PLXNA4: variants seen among roughly 807,000 people sequenced by gnomAD.
PLXNA4 encodes the protein plexin A4.
A neutral mutation model predicts 191.8 loss-of-function variants in PLXNA4; 44 were observed. The ratio of observed to expected loss-of-function variants is 0.23; its 90% CI spans 0.18 to 0.29. PLXNA4 has a LOEUF of 0.29. Ranked by LOEUF, PLXNA4 falls within the 10% of genes least tolerant of loss-of-function variation. PLXNA4 has a pLI of 1.00. For missense variants in PLXNA4, 1,800 were observed against 2,488.8 expected, an observed-to-expected ratio of 0.72 and a Z score of 5.89; for synonymous variants, 1,082 against 1,009.5, an observed-to-expected ratio of 1.07 and a Z score of -1.36.
intron 31 of PLXNA4, among the ~76,000 whole-genome samples, chr7:132,132,430 CTGTTCTGTTCTGTTCTGTTCTGT>C (rs1563048084): frequency 1.3e-4 from 10 of 76,394 alleles, no homozygotes; most frequent in South Asian, 6.8e-4. Flanking sequence ...CTGTTCTGTT[CTGTTCTGTTCTGTTCTGTTCTGT>C]TCTGTTCTGT....
Position 132,626,555 on chromosome 7 carries a change from G to A in PLXNA4, c.-87+19373C>T, listed in dbSNP as rs139669643. Among the ~76,000 whole-genome samples the A allele has an allele frequency of 5.3e-3, 802 of 152,256 alleles. 7 individuals are homozygous for A. The highest frequency in any genetic ancestry group is 0.019 in the African/African-American group (774 of 41,540). Reference sequence around the variant, plus strand: ...TCGTGAGAGCTGGTCATTTAAAAGTGTGCAGCATCTCCCCACATCTCTCTT... The same window carrying A: ...TCGTGAGAGCTGGTCATTTAAAAGTATGCAGCATCTCCCCACATCTCTCTT... On this transcript the variant is annotated intron_variant, in intron 2 of 4. Coordinates refer to the PLXNA4 transcript ENST00000378539.
At chr7:132,391,981 A>G (rs1338446832) in intron 3 of PLXNA4, among the ~76,000 whole-genome samples, 1 of 152,128 alleles carries the variant, frequency 6.6e-6, no homozygotes, top group African/African-American at 2.4e-5. Flanking sequence ...ATGAAGCATT[A>G]GCCAGGCACG....
At chr7:132,635,866 C>T (rs1803594494) in intron 2 of PLXNA4, among the ~76,000 whole-genome samples, 1 of 152,104 alleles carries the variant, frequency 6.6e-6, no homozygotes, top group South Asian at 2.1e-4. Flanking sequence ...CAGGAGTTTT[C>T]CAAGGGCCGG....
chr7:132,167,540 T>A (rs12386646), intron 22 of PLXNA4, among the ~76,000 whole-genome samples: 38,693 of 151,832 alleles, frequency 0.25, 7,048 homozygotes, highest in African/African-American at 0.52. Context: ...ATTTATTTTT[T>A]AATTTTTTTT....
At chr7:132,258,272 A>G (rs1799502456) in intron 4 of PLXNA4, among the ~76,000 whole-genome samples, 1 of 152,266 alleles carries the variant, frequency 6.6e-6, no homozygotes, top group South Asian at 2.1e-4. Flanking sequence ...GGGGCTGAGC[A>G]AAGGGTGGCA....
At chr7:132,302,115 A>G (rs187072580) in intron 3 of PLXNA4, among the ~76,000 whole-genome samples, 2 of 152,336 alleles carry the variant, frequency 1.3e-5, no homozygotes, top group East Asian at 1.9e-4. Flanking sequence ...CAGTTTGGCC[A>G]TGGAGAGAGA....
chr7:132,325,316 A>G, intron 3 of PLXNA4, among the ~76,000 whole-genome samples: 1 of 152,138 alleles, frequency 6.6e-6, no homozygotes, highest in East Asian at 1.9e-4. Context: ...GAAAAGCAAG[A>G]GTAGAATTCT....
chr7:132,633,320 A>C (rs2012316), intron 2 of PLXNA4, among the ~76,000 whole-genome samples: 1 of 146,704 alleles, frequency 6.8e-6, no homozygotes, highest in African/African-American at 2.5e-5. Flanking sequence ...GTCTCACTCT[A>C]TCACCAGACT....
At chr7:132,441,554 C>G (rs2288983) in intron 3 of PLXNA4, among the ~76,000 whole-genome samples, 27,052 of 152,266 alleles carry the variant, frequency 0.18, 2,925 homozygotes, top group East Asian at 0.4. Flanking sequence ...GCCCACAGAT[C>G]CCAAGGCTAT....
intron 2 of PLXNA4, among the ~76,000 whole-genome samples, chr7:132,637,165 T>G (rs1050079912): frequency 5.9e-5 from 9 of 152,144 alleles, no homozygotes; most frequent in African/African-American, 2.2e-4. Flanking sequence ...TTTCTGTCTA[T>G]CCCCTCCCCT....
At chr7:132,317,004 G>T (rs766069838) in intron 3 of PLXNA4, among the ~76,000 whole-genome samples, 1 of 152,076 alleles carries the variant, frequency 6.6e-6, no homozygotes, top group Non-Finnish European at 1.5e-5. Flanking sequence ...ATTAGGTTGG[G>T]TTTTGTTAAA....
chr7:132,525,562 T>TG (rs1375356914), intron 1 of PLXNA4, among the ~76,000 whole-genome samples: 3 of 152,178 alleles, frequency 2.0e-5, no homozygotes, highest in Non-Finnish European at 4.4e-5. Context: ...ATCCATTTTG[T>TG]GGGGGGCACC....
chr7:132,295,399 A>G (rs1275040701), intron 4 of PLXNA4, among the ~76,000 whole-genome samples: 3 of 152,208 alleles, frequency 2.0e-5, no homozygotes, highest in Non-Finnish European at 2.9e-5. Flanking sequence ...AATTAGTCAC[A>G]TAAGAAAGGA....
chr7:132,265,495 C>G (rs1412952434), intron 4 of PLXNA4, among the ~76,000 whole-genome samples: 2 of 152,034 alleles, frequency 1.3e-5, no homozygotes, highest in African/African-American at 2.4e-5. Flanking sequence ...AATTGGGTAG[C>G]AATATGAAGG....
chr7:132,361,859 G>T (rs116575525), intron 3 of PLXNA4, among the ~76,000 whole-genome samples: 1,805 of 152,294 alleles, frequency 0.012, 35 homozygotes, highest in African/African-American at 0.041. Context: ...GTGAAAAAAA[G>T]TTCTATTTTG....
intron 22 of PLXNA4, among the ~76,000 whole-genome samples, chr7:132,166,134 T>C (rs921577344): frequency 2.0e-5 from 3 of 151,632 alleles, no homozygotes; most frequent in Non-Finnish European, 2.9e-5. Flanking sequence ...GAGGTGGAGG[T>C]TGCAGTGAGC....
chr7:132,219,467 T>C (rs773537313), intron 9 of PLXNA4, among the ~76,000 whole-genome samples: 1 of 152,212 alleles, frequency 6.6e-6, no homozygotes, highest in Non-Finnish European at 1.5e-5. Context: ...CAGATCTCCA[T>C]AGATCTTCTT....
chr7:132,594,911 G>GTAGATAGA (rs71178042), intron 2 of PLXNA4, among the ~76,000 whole-genome samples: 35 of 137,800 alleles, frequency 2.5e-4, no homozygotes, highest in African/African-American at 4.5e-4. Flanking sequence ...AGATAGATAG[G>GTAGATAGA]TAGATAGATA....
At chr7:132,223,470 T>C in intron 9 of PLXNA4, 57 bp downstream of exon 9, 13 of 1,439,378 alleles carry the variant, frequency 9.0e-6, no homozygotes, top group Non-Finnish European at 1.3e-5. Context: ...ATGCCTCTCT[T>C]CTGTGTCCCA....
Sources: gnomAD v4.1 joint callset for allele counts (sites outside exome capture counted in the v4.1 genomes callset) on GRCh38, gnomAD v4.1.1 for gene constraint, MANE v1.5 for transcripts, NCBI Gene and HGNC (gene_info 2026-07-23, HGNC 2026-07-21) for gene names.